The following OR5B21 variants were observed in gnomAD, a reference collection of about 807,000 sequenced individuals.
OR5B21 encodes olfactory receptor family 5 subfamily B member 21, also known as olfactory receptor 5B21.
For missense variants in OR5B21, 372 were observed against 375.7 expected (o/e 0.99, Z 0.08); for synonymous variants, 151 against 143.3 (o/e 1.05, Z -0.38).
Position 58,507,578 on chromosome 11 carries a change from G to A in OR5B21, c.528C>T (p.Phe176=), listed in dbSNP as rs1853065931. The stretch of plus-strand genomic sequence containing the variant: ...GAGCCAGGAGTGGGGGAATGTCACA[G>A]AAGAAATGATTAATCTCATTAGAAC... ...FCGSNEINHF[F]CDIPPLLALS... Residue 176 remains phenylalanine (F), a synonymous_variant, in exon 1 of 1, where the codon TTC becomes TTT. Coordinates refer to ENST00000360374, the MANE Select transcript of OR5B21 (RefSeq NM_001005218.3). 2 of 1,614,034 alleles carry A rather than the reference G, an allele frequency of 1.2e-6. No homozygotes were observed. Among genetic ancestry groups the A allele is most frequent in the African/African-American group, 2.7e-5 (2 of 74,936 alleles).
In OR5B21 at chr11:58,507,252, A is replaced by T; in HGVS notation, c.854T>A (p.Leu285Ter). 1.2e-6 allele frequency: 2 copies of T among 1,613,266 alleles called. No homozygotes were observed. Among genetic ancestry groups the T allele is most frequent in the Non-Finnish European group, 1.7e-6 (2 of 1,179,200 alleles). ...YTVVIPMLNP[L>*]IYSLRNKEVK... Reference sequence around the variant, plus strand: ...TTCTTTGTTCCTAAGGCTGTATATCAAGGGATTCAGCATGGGAATCACCAC... The same window carrying T: ...TTCTTTGTTCCTAAGGCTGTATATCTAGGGATTCAGCATGGGAATCACCAC... The change falls in exon 1 of 1, where the codon TTG becomes TAG. Residue 285 changes from leucine (L) to a stop codon, truncating the protein, a stop_gained. Coordinates refer to ENST00000360374, the MANE Select transcript of OR5B21 (RefSeq NM_001005218.3). LOFTEE classifies it low-confidence loss of function (END_TRUNC).
At position 58,507,614 on chromosome 11, in the gene OR5B21, G is replaced by A. The variant is rs1321450693; in HGVS notation, c.492C>T (p.Leu164=). 6.2e-7 allele frequency: 1 copy of A among 1,614,060 alleles called. No homozygotes were observed. The highest frequency in any genetic ancestry group is 1.3e-5 in the African/African-American group (1 of 74,932). ...ASIHAAGTFR[L]SFCGSNEINH... ...TAATCTCATTAGAACCACAGAAGGA[G>A]AGTCTGAAGGTGCCTGCTGCATGGA... Residue 164 remains leucine (L), a synonymous_variant, in exon 1 of 1, where the codon CTC becomes CTT. Transcript: ENST00000360374.
At position 58,507,966 on chromosome 11, in the gene OR5B21, A is replaced by G; in HGVS notation, c.140T>C (p.Ile47Thr). The G allele has an allele frequency of 6.2e-7, 1 of 1,614,068 alleles. No individual in the cohort carries two copies. The highest frequency in any genetic ancestry group is 1.1e-5 in the South Asian group (1 of 91,086). ...LLGNGGMMVI[I>T]HSDSHLHTPM... ...AGTGTGGAGATGGGAGTCTGAGTGG[A>G]TGATCACCATCATTCCCCCATTCCC... The change falls in exon 1 of 1, where the codon ATC (isoleucine) becomes ACC (threonine). Residue 47 changes from isoleucine to threonine, a missense_variant. Physicochemically the swap from Ile to Thr is moderately conservative, Grantham distance 89 (BLOSUM62 -1). Coordinates refer to ENST00000360374, the MANE Select transcript of OR5B21 (RefSeq NM_001005218.3).
Position 58,507,549 on chromosome 11 carries a change from G to C in OR5B21, c.557C>G (p.Ser186Ter), listed in dbSNP as rs1853065267. Reference protein sequence around the residue: ...FCDIPPLLALSCSDTRISKLV... With the variant: ...FCDIPPLLAL The stretch of plus-strand genomic sequence containing the variant: ...CTTGCTGATGCGTGTGTCAGAGCAT[G>C]AGAGAGCCAGGAGTGGGGGAATGTC... The change falls in exon 1 of 1, where the codon TCA becomes TGA. Residue 186 changes from serine (S) to a stop codon, truncating the protein, a stop_gained. Coordinates refer to ENST00000360374, the MANE Select transcript of OR5B21 (RefSeq NM_001005218.3). LOFTEE classifies it low-confidence loss of function (END_TRUNC). 1 of 1,614,162 alleles carries C rather than the reference G, an allele frequency of 6.2e-7. No homozygotes were observed. The highest frequency in any genetic ancestry group is 1.7e-5 in the Admixed American group (1 of 59,998).
Position 58,507,883 on chromosome 11 carries a change from C to T in OR5B21, c.223G>A (p.Val75Ile), listed in dbSNP as rs1224191338. 1.9e-6 allele frequency: 3 copies of T among 1,614,118 alleles called. No homozygotes were observed. The highest frequency in any genetic ancestry group is 1.7e-6 in the Non-Finnish European group (2 of 1,180,016). Residue 75 changes from valine to isoleucine, a missense_variant, in exon 1 of 1, where the codon GTA becomes ATA. Physicochemically the swap from Val to Ile is conservative, Grantham distance 29. Transcript: ENST00000360374. ...AATGCAGCCACCGTTTTGGGGGCTA[C>T]AGCTGATGAGTAACCCAAGTCTACA... ...SLVDLGYSSAVAPKTVAALRS... is the reference protein window; with the variant it reads ...SLVDLGYSSAIAPKTVAALRS...
In OR5B21 at chr11:58,507,089, A is replaced by G. The variant is rs1853054671; in HGVS notation, c.*87T>C. On this transcript the variant is annotated 3_prime_UTR_variant, in exon 1 of 1. Transcript: ENST00000360374. ...GCTGTTCTTGGGGAAGAAAGAACTG[A>G]AACCAGTCAAACGTTAAAAGTCATG... 1.1e-6 allele frequency: 1 copy of G among 927,238 alleles called. No individual in the cohort carries two copies. The highest frequency in any genetic ancestry group is 1.7e-5 in the African/African-American group (1 of 60,496). 57.4% of individuals were successfully genotyped at this position (927,238 alleles called of 1,614,324 possible). A position where few individuals can be genotyped will look rare whatever the true frequency, so the allele number is the denominator to read the frequency against.
At position 58,507,128 on chromosome 11, in the gene OR5B21, G is replaced by A. The variant is rs530988051; in HGVS notation, c.*48C>T. The A allele has an allele frequency of 2.4e-4, 305 of 1,296,914 alleles. 4 individuals carry two copies. In the South Asian group the frequency reaches 4.0e-3, roughly 17 times the overall value. The allele number at this position is 1,296,914 out of a possible 1,614,324, so 80.3% of individuals were successfully genotyped here. A position where few individuals can be genotyped will look rare whatever the true frequency, so the allele number is the denominator to read the frequency against. On this transcript the variant is annotated 3_prime_UTR_variant, in exon 1 of 1. Transcript: ENST00000360374. ...TTAAAAGTCATGATGGCATTTAGGT[G>A]TGAGAGAAAGTTTATCCCTTAATTG...
In OR5B21 at chr11:58,507,152, T is replaced by C. The variant is rs1853055272; in HGVS notation, c.*24A>G. The C allele has an allele frequency of 6.6e-7, 1 of 1,523,088 alleles. No individual in the cohort carries two copies. The allele number at this position is 1,523,088 out of a possible 1,614,324, so 94.3% of individuals were successfully genotyped here. The stretch of plus-strand genomic sequence containing the variant: ...TGTGAGAGAAAGTTTATCCCTTAAT[T>C]GCTTGCCTACTTCCCATTCACATTT... On this transcript the variant is annotated 3_prime_UTR_variant, in exon 1 of 1. Coordinates refer to ENST00000360374, the MANE Select transcript of OR5B21 (RefSeq NM_001005218.3).
Position 58,507,998 on chromosome 11 carries a change from G to C in OR5B21, c.108C>G (p.Thr36=), listed in dbSNP as rs372946060. ...LLAFLFIYLI[T]LLGNGGMMVI... is the part of the protein sequence containing the mutation. ...CCATCATTCCCCCATTCCCAAGCAGGGTGATGAGGTAGATGAATAAAAATG... is the reference window on the plus strand; with the variant it reads ...CCATCATTCCCCCATTCCCAAGCAGCGTGATGAGGTAGATGAATAAAAATG... The change falls in exon 1 of 1, where the codon ACC becomes ACG. Residue 36 remains threonine, a synonymous_variant. Coordinates refer to ENST00000360374, the MANE Select transcript of OR5B21 (RefSeq NM_001005218.3). 6 of 1,613,954 alleles carry C rather than the reference G, an allele frequency of 3.7e-6. No individual in the cohort carries two copies. The African/African-American group carries it at 5.3e-5, about 14-fold the overall frequency.
In OR5B21 at chr11:58,507,455, G is replaced by T. The variant is rs267603028; in HGVS notation, c.651C>A (p.Phe217Leu). 1.2e-6 allele frequency: 2 copies of T among 1,614,136 alleles called. No homozygotes were observed. Among genetic ancestry groups the T allele is most frequent in the African/African-American group, 2.7e-5 (2 of 75,046 alleles). The part of the protein sequence containing the change: ...TLLVILISYF[F>L]ICITIQRMHS... Reference sequence around the variant, plus strand: ...GCATCCTCTGAATGGTGATGCATATGAAGAAGTAAGAAATAAGGATGACCA... The same window carrying T: ...GCATCCTCTGAATGGTGATGCATATTAAGAAGTAAGAAATAAGGATGACCA... Residue 217 changes from phenylalanine to leucine, a missense_variant, in exon 1 of 1, where the codon TTC (phenylalanine) becomes TTA (leucine). Coordinates refer to ENST00000360374, the MANE Select transcript of OR5B21 (RefSeq NM_001005218.3).
In OR5B21 at chr11:58,507,919, T is replaced by C. The variant is rs1853073490; in HGVS notation, c.187A>G (p.Asn63Asp). 3 of 1,614,018 alleles carry C rather than the reference T, an allele frequency of 1.9e-6. No homozygotes were observed. The African/African-American group carries it at 4.0e-5, about 22-fold the overall frequency. The change falls in exon 1 of 1, where the codon AAC (asparagine) becomes GAC (aspartate). Residue 63 changes from asparagine (N) to aspartate (D), a missense_variant. By Grantham distance (23) the Asn-to-Asp change is conservative. Transcript: ENST00000360374. ...LHTPMYFFLS[N>D]LSLVDLGYSS... ...TAACCCAAGTCTACAAGGGAGAGGT[T>C]ACTGAGGAAAAAGTACATTGGAGTG...
rs145155644 is a variant in OR5B21, at chr11:58,507,768, A to G, written c.338T>C (p.Leu113Pro). ...VGFATVECYL[L>P]ASMAYDRHAA... is the part of the protein sequence containing the mutation. ...ATGGCGATCATAGGCCATGGAGGCCAGGAGGTAGCACTCAACAGTGGCAAA... is the reference window on the plus strand; with the variant it reads ...ATGGCGATCATAGGCCATGGAGGCCGGGAGGTAGCACTCAACAGTGGCAAA... The change falls in exon 1 of 1, where the codon CTG becomes CCG. Residue 113 changes from leucine (L) to proline (P), a missense_variant. Leu to Pro is a moderately conservative substitution (Grantham distance 98, BLOSUM62 -3). Transcript: ENST00000360374. 4.8e-4 allele frequency: 772 copies of G among 1,614,048 alleles called. No individual in the cohort carries two copies. The highest frequency in any genetic ancestry group is 6.2e-4 in the Non-Finnish European group (726 of 1,180,042).
In OR5B21 at chr11:58,507,856, G is replaced by A. The variant is rs534324656; in HGVS notation, c.250C>T (p.Arg84Trp). The A allele has an allele frequency of 4.3e-5, 70 of 1,613,948 alleles. 1 individual carries two copies. The highest frequency in any genetic ancestry group is 9.9e-5 in the South Asian group (9 of 91,074). Residue 84 changes from arginine (R) to tryptophan (W), a missense_variant, in exon 1 of 1, where the codon CGG (arginine) becomes TGG (tryptophan). Arg to Trp is a moderately radical substitution (Grantham distance 101). Transcript: ENST00000360374. Reference protein sequence around the residue: ...AVAPKTVAALRSGDKAISYDG... With the variant: ...AVAPKTVAALWSGDKAISYDG... ...TAGGAGATGGCCTTGTCCCCTGACC[G>A]CAATGCAGCCACCGTTTTGGGGGCT... is the stretch of plus-strand genomic sequence containing the variant.
Position 58,507,764 on chromosome 11 carries a change from G to T in OR5B21, c.342C>A (p.Ala114=), listed in dbSNP as rs764523531. The T allele has an allele frequency of 2.5e-6, 4 of 1,614,112 alleles. No individual in the cohort carries two copies. The South Asian group carries it at 4.4e-5, about 18-fold the overall frequency. The change falls in exon 1 of 1, where the codon GCC becomes GCA. Residue 114 remains alanine, a synonymous_variant. Coordinates refer to ENST00000360374, the MANE Select transcript of OR5B21 (RefSeq NM_001005218.3). ...CTGCATGGCGATCATAGGCCATGGAGGCCAGGAGGTAGCACTCAACAGTGG... is the reference window on the plus strand; with the variant it reads ...CTGCATGGCGATCATAGGCCATGGATGCCAGGAGGTAGCACTCAACAGTGG... ...GFATVECYLL[A]SMAYDRHAAV... is the part of the protein sequence containing the mutation.
At position 58,507,855 on chromosome 11, in the gene OR5B21, C is replaced by T. The variant is rs200518896; in HGVS notation, c.251G>A (p.Arg84Gln). 1.7e-4 allele frequency: 279 copies of T among 1,613,940 alleles called. No homozygotes were observed. The highest frequency in any genetic ancestry group is 2.2e-4 in the Non-Finnish European group (265 of 1,180,018). ...GTAGGAGATGGCCTTGTCCCCTGAC[C>T]GCAATGCAGCCACCGTTTTGGGGGC... Reference protein sequence around the residue: ...AVAPKTVAALRSGDKAISYDG... With the variant: ...AVAPKTVAALQSGDKAISYDG... Residue 84 changes from arginine to glutamine, a missense_variant, in exon 1 of 1, where the codon CGG becomes CAG. Physicochemically the swap from Arg to Gln is conservative, Grantham distance 43. Transcript: ENST00000360374.
chr11:58,507,726 G>A lies in OR5B21; in HGVS notation c.380C>T (p.Pro127Leu). ...TGTCATGGTGGTGGTGTAATGAAGA[G>A]GCCTACATACCGCTGCATGGCGATC... ...AYDRHAAVCR[P>L]LHYTTTMTAG... The change falls in exon 1 of 1, where the codon CCT becomes CTT. Residue 127 changes from proline to leucine, a missense_variant. By Grantham distance (98) the Pro-to-Leu change is moderately conservative (BLOSUM62 -3). Transcript: ENST00000360374. The A allele has an allele frequency of 6.2e-7, 1 of 1,614,176 alleles. No individual in the cohort carries two copies. The highest frequency in any genetic ancestry group is 1.3e-5 in the African/African-American group (1 of 75,054).
Position 58,507,786 on chromosome 11 carries a change from G to C in OR5B21, c.320C>G (p.Thr107Ser). 6.2e-7 allele frequency: 1 copy of C among 1,614,114 alleles called. No individual in the cohort carries two copies. Among genetic ancestry groups the C allele is most frequent in the Non-Finnish European group, 8.5e-7 (1 of 1,179,998 alleles). ...GGAGGCCAGGAGGTAGCACTCAACA[G>C]TGGCAAACCCCACAAAGAAGAAGAA... is the stretch of plus-strand genomic sequence containing the variant. ...AQFFFFVGFA[T>S]VECYLLASMA... The change falls in exon 1 of 1, where the codon ACT becomes AGT. Residue 107 changes from threonine (T) to serine (S), a missense_variant. Thr to Ser is a moderately conservative substitution (Grantham distance 58). Transcript: ENST00000360374.
Position 58,507,668 on chromosome 11 carries a change from G to C in OR5B21, c.438C>G (p.Ser146=), listed in dbSNP as rs754130814. 1 of 1,614,144 alleles carries C rather than the reference G, an allele frequency of 6.2e-7. No homozygotes were observed. Among genetic ancestry groups the C allele is most frequent in the Non-Finnish European group, 8.5e-7 (1 of 1,180,028 alleles). ...AGVCALLATG[S]YVSGFLNASI... ...AGGCATTGAGGAAGCCAGAGACATAGGAACCAGTAGCAAGGAGGGCACACA... is the reference window on the plus strand; with the variant it reads ...AGGCATTGAGGAAGCCAGAGACATACGAACCAGTAGCAAGGAGGGCACACA... The change falls in exon 1 of 1, where the codon TCC becomes TCG. Residue 146 remains serine, a synonymous_variant. Coordinates refer to ENST00000360374, the MANE Select transcript of OR5B21 (RefSeq NM_001005218.3).
rs1332104247 is a variant in OR5B21, at chr11:58,507,956, G to A, written c.150C>T (p.Asp50=). The A allele has an allele frequency of 6.2e-7, 1 of 1,614,154 alleles. No individual in the cohort carries two copies. Among genetic ancestry groups the A allele is most frequent in the Non-Finnish European group, 8.5e-7 (1 of 1,180,012 alleles). Residue 50 remains aspartate (D), a synonymous_variant, in exon 1 of 1, where the codon GAC becomes GAT. Coordinates refer to ENST00000360374, the MANE Select transcript of OR5B21 (RefSeq NM_001005218.3). ...NGGMMVIIHS[D]SHLHTPMYFF... is the part of the protein sequence containing the mutation. ...AGTACATTGGAGTGTGGAGATGGGAGTCTGAGTGGATGATCACCATCATTC... is the reference window on the plus strand; with the variant it reads ...AGTACATTGGAGTGTGGAGATGGGAATCTGAGTGGATGATCACCATCATTC...
Sources: allele counts gnomAD v4.1 joint callset, GRCh38; gene constraint gnomAD v4.1.1; transcripts MANE v1.5; gene names NCBI Gene and HGNC (gene_info 2026-07-23, HGNC 2026-07-21).